Variants in MUC4 observed in about 807,000 individuals in gnomAD.
MUC4 encodes mucin 4, cell surface associated, also known as mucin-4.
Under a neutral mutation model 257.9 loss-of-function variants are expected in MUC4, and 202 were observed. The observed-to-expected ratio is 0.78, with a 90% CI of 0.70 to 0.88. The LOEUF is 0.88. Ranked by LOEUF, MUC4 falls within the 40% of genes least tolerant of loss-of-function variation. The pLI is 0.00. For missense variants in MUC4, 5,976 were observed against 6,513.7 expected (o/e 0.92, Z 2.84); for synonymous variants, 2,351 against 2,757.1 (o/e 0.85, Z 4.62).
chr3:195,761,517 G>C lies in MUC4; in HGVS notation c.14581C>G (p.Pro4861Ala). 1 of 1,614,146 alleles carries C rather than the reference G, an allele frequency of 6.2e-7. No individual in the cohort carries two copies. Among genetic ancestry groups the C allele is most frequent in the South Asian group, 1.1e-5 (1 of 91,086 alleles). ...PNGSTIPPGSPEEMLFHFGMT... is the reference protein window; with the variant it reads ...PNGSTIPPGSAEEMLFHFGMT... ...CCAAAGTGGAAAAGCATCTCCTCAG[G>C]GCTCCCTGGGGGAATGGTGGAGCCA... The change falls in exon 15 of 25, where the codon CCT becomes GCT. Residue 4861 changes from proline to alanine, a missense_variant. Pro to Ala is a conservative substitution (Grantham distance 27). Coordinates refer to ENST00000463781, the MANE Select transcript of MUC4 (RefSeq NM_018406.7).
At position 195,811,921 on chromosome 3, in the gene MUC4, A is replaced by ACCAAGTG; in HGVS notation, c.-111_-105dup. On this transcript the variant is annotated 5_prime_UTR_variant, in exon 1 of 25. Transcript: ENST00000463781. ...CCGTCCCCTCAGGCGGCTGGCCCGA[A>ACCAAGTG]CCAAGTGCGTTTCTCCGAAGGGGCC... 3.5e-6 allele frequency: 4 copies of ACCAAGTG among 1,154,778 alleles called. No homozygotes were observed. Among genetic ancestry groups the ACCAAGTG allele is most frequent in the Non-Finnish European group, 5.0e-6 (4 of 805,244 alleles). 71.5% of individuals were successfully genotyped at this position (1,154,778 alleles called of 1,614,324 possible).
chr3:195,775,948 A>G (rs1222415770), intron 3 of MUC4, among the ~76,000 whole-genome samples: 45 of 51,862 alleles, frequency 8.7e-4, no homozygotes, highest in Middle Eastern at 0.013. Flanking sequence ...TACCTTCCAC[A>G]CCCATACCTT....
rs1736591323 is a variant in MUC4 at position 195,810,661 on chromosome 3, C to T, written c.82+1075G>A. ...ACGGCCAGCACCTCCCGGCCCTCTGCGCCCTGGCCGCCTCCTCCGCACCAC... is the reference window on the plus strand; with the variant it reads ...ACGGCCAGCACCTCCCGGCCCTCTGTGCCCTGGCCGCCTCCTCCGCACCAC... On this transcript the variant is annotated intron_variant, in intron 1 of 24. Coordinates refer to ENST00000463781, the MANE Select transcript of MUC4 (RefSeq NM_018406.7). This position sits in a 1 kb window ranked among gnomAD's most constrained non-coding sequence, Gnocchi z 4.2. Among the ~76,000 whole-genome samples, 2 of 152,156 alleles carry T rather than the reference C, an allele frequency of 1.3e-5. No homozygotes were observed. Among genetic ancestry groups the T allele is most frequent in the Admixed American group, 6.5e-5 (1 of 15,284 alleles).
intron 14 of MUC4, 108 bp downstream of exon 14, chr3:195,761,979 G>A (rs1719049334): frequency 1.5e-6 from 2 of 1,292,304 alleles, no homozygotes; most frequent in South Asian, 2.8e-5. Context: ...TCTGCTCCAA[G>A]GAGGCGGAGA....
At position 195,765,302 on chromosome 3, in the gene MUC4, C is replaced by T. The variant is rs146376079; in HGVS notation, c.13766G>A (p.Arg4589Gln). 40 of 1,613,358 alleles carry T rather than the reference C, an allele frequency of 2.5e-5. No individual in the cohort carries two copies. Among genetic ancestry groups the T allele is most frequent in the Middle Eastern group, 1.6e-4 (1 of 6,064 alleles). ...GACGGGTTGGAATCGTAAGTCCCGT[C>T]GTCCCTGCTGCCAGGAACAAGGGCA... Reference protein sequence around the residue: ...VSCPCSWQQGRRDLRFQPVSI... With the variant: ...VSCPCSWQQGQRDLRFQPVSI... The change falls in exon 9 of 25, where the codon CGA becomes CAA. Residue 4589 changes from arginine to glutamine, a missense_variant. By Grantham distance (43) the Arg-to-Gln change is conservative. Coordinates refer to ENST00000463781, the MANE Select transcript of MUC4 (RefSeq NM_018406.7).
rs1426668414 is a variant in MUC4 at position 195,781,613 on chromosome 3, T to C, written c.9967A>G (p.Thr3323Ala). The change falls in exon 2 of 25, where the codon ACA (threonine) becomes GCA (alanine). Residue 3323 changes from threonine to alanine, a missense_variant. Around this residue, in one of 44 missense-constraint regions of MUC4, gnomAD observed 72 missense variants for 33.5 expected, o/e 2.15. Transcript: ENST00000463781. ...LLVTDASSAS[T>A]GHATPLHVTS... ...ACATGAAGAGGGGTGGCGTGACCTG[T>C]GGATGCTGAGGAAGCGTCGGTGACA... The C allele has an allele frequency of 1.9e-6, 1 of 531,838 alleles. No individual in the cohort carries two copies. The highest frequency in any genetic ancestry group is 4.6e-5 in the Admixed American group (1 of 21,554). The allele number at this position is 531,838 out of a possible 1,614,324, so 32.9% of individuals were successfully genotyped here.
chr3:195,779,326 T>A lies in MUC4; in HGVS notation c.12254A>T (p.Asp4085Val), dbSNP rs148307810. The A allele has an allele frequency of 2.9e-5, 28 of 978,036 alleles. 10 individuals carry two copies. In the African/African-American group the frequency reaches 4.8e-4, roughly 17 times the overall value. 60.6% of individuals were successfully genotyped at this position (978,036 alleles called of 1,614,324 possible). Residue 4085 changes from aspartate (D) to valine (V), a missense_variant, in exon 2 of 25, where the codon GAT (aspartate) becomes GTT (valine). Coordinates refer to ENST00000463781, the MANE Select transcript of MUC4 (RefSeq NM_018406.7). Reference protein sequence around the residue: ...RGDTSTLPVTDASSASTGHAT... With the variant: ...RGDTSTLPVTVASSASTGHAT... ...GTGACCGGTGGATGCTGAGGAAGCA[T>A]CGGTGACAGGAAGAGTGCTGGTGTC...
chr3:195,789,831 G>A lies in MUC4; in HGVS notation c.1749C>T (p.Ser583=), dbSNP rs567115926. 23 of 1,613,402 alleles carry A rather than the reference G, an allele frequency of 1.4e-5. No homozygotes were observed. Among genetic ancestry groups the A allele is most frequent in the Middle Eastern group, 1.7e-4 (1 of 6,058 alleles). Residue 583 remains serine, a synonymous_variant, in exon 2 of 25, where the codon AGC becomes AGT. Transcript: ENST00000463781. The part of the protein sequence containing the change: ...TTGEALLSSP[S]YSVTQMIKTA... ...TTTTTATCATCTGAGTCACACTGTAGCTTGGGCTGCTGAGAAGAGCCTCTC... is the reference window on the plus strand; with the variant it reads ...TTTTTATCATCTGAGTCACACTGTAACTTGGGCTGCTGAGAAGAGCCTCTC...
rs139766028 is a variant in MUC4 at position 195,778,356 on chromosome 3, G to C, written c.12890C>G (p.Thr4297Ser). Residue 4297 changes from threonine (T) to serine (S), a missense_variant, in exon 3 of 25, where the codon ACT (threonine) becomes AGT (serine). By Grantham distance (58) the Thr-to-Ser change is moderately conservative (BLOSUM62 1). Coordinates refer to ENST00000463781, the MANE Select transcript of MUC4 (RefSeq NM_018406.7). ...SQTIISTIPS[T>S]AMHTRSTAAP... ...AGCTGTGGAGCGGGTGTGCATGGCA[G>C]TGCTGGGAATGGTGGAAATGATGGT... The C allele has an allele frequency of 9.9e-6, 16 of 1,613,100 alleles. No individual in the cohort carries two copies. The African/African-American group carries it at 1.6e-4, about 16-fold the overall frequency.
chr3:195,762,475 C>G (rs1011897019), intron 13 of MUC4, among the ~76,000 whole-genome samples: 4 of 151,582 alleles, frequency 2.6e-5, no homozygotes, highest in African/African-American at 9.7e-5. Context: ...GGGCCCTGCA[C>G]CGCCACGCAC....
At position 195,746,872 on chromosome 3, in the gene MUC4, CACA is replaced by C. The variant is rs1368131313; in HGVS notation, c.*301_*303del. On this transcript the variant is annotated 3_prime_UTR_variant, in exon 25 of 25. Coordinates refer to ENST00000463781, the MANE Select transcript of MUC4 (RefSeq NM_018406.7). The stretch of plus-strand genomic sequence containing the variant: ...ATTTTGCTTAACTTAGGGCCATCAC[CACA>C]TTATGAACTCGTGTGTGTGTGTGTG... 16 of 463,386 alleles carry C rather than the reference CACA, an allele frequency of 3.5e-5. No homozygotes were observed. The highest frequency in any genetic ancestry group is 7.6e-6 in the Non-Finnish European group (2 of 263,500). The allele number at this position is 463,386 out of a possible 1,614,324, so 28.7% of individuals were successfully genotyped here.
chr3:195,790,777 G>T lies in MUC4; in HGVS notation c.803C>A (p.Thr268Asn), dbSNP rs758372717. ...GTTTCCAAGAGTGGAGCCTGTGGAG[G>T]TTGTCACTGTTATCTTCTCTGATGT... is the stretch of plus-strand genomic sequence containing the variant. ...MMTSEKITVT[T>N]STGSTLGNPG... The change falls in exon 2 of 25, where the codon ACC (threonine) becomes AAC (asparagine). Residue 268 changes from threonine (T) to asparagine (N), a missense_variant. Physicochemically the swap from Thr to Asn is moderately conservative, Grantham distance 65 (BLOSUM62 0). Around this residue, in one of 44 missense-constraint regions of MUC4, gnomAD observed 1,583 missense variants for 1,257.4 expected, o/e 1.26. Coordinates refer to ENST00000463781, the MANE Select transcript of MUC4 (RefSeq NM_018406.7). 5.0e-6 allele frequency: 8 copies of T among 1,614,014 alleles called. No homozygotes were observed. In the Admixed American group the frequency reaches 1.2e-4, roughly 24 times the overall value.
rs760530623 is a variant in MUC4, at chr3:195,791,230, T to C, written c.350A>G (p.Asp117Gly). ...VHNVMETAPP[D>G]EMTTSFPSSV... ...GGAGGGAAATGATGTGGTCATTTCA[T>C]CTGGAGGAGCTGTCTCCATCACATT... The change falls in exon 2 of 25, where the codon GAT (aspartate) becomes GGT (glycine). Residue 117 changes from aspartate to glycine, a missense_variant. Coordinates refer to ENST00000463781, the MANE Select transcript of MUC4 (RefSeq NM_018406.7). 2 of 1,613,720 alleles carry C rather than the reference T, an allele frequency of 1.2e-6. No homozygotes were observed. Among genetic ancestry groups the C allele is most frequent in the East Asian group, 4.5e-5 (2 of 44,890 alleles).
rs200544147 is a variant in MUC4 at position 195,774,138 on chromosome 3, A to G, written c.13077+34T>C. On this transcript the variant is annotated intron_variant, in intron 4 of 24. Transcript: ENST00000463781. Reference sequence around the variant, plus strand: ...GCAGGAGAGAGAAGTGGGCCCTGGGAGTTCAGGCTGCGCGGGCCGCAGCCC... The same window carrying G: ...GCAGGAGAGAGAAGTGGGCCCTGGGGGTTCAGGCTGCGCGGGCCGCAGCCC... The G allele has an allele frequency of 3.4e-5, 53 of 1,573,078 alleles. No homozygotes were observed. The Admixed American group carries it at 8.0e-4, about 24-fold the overall frequency.
At chr3:195,774,388 G>T in intron 3 of MUC4, 83 bp from the exon 4 acceptor site, 1 of 1,441,604 alleles carries the variant, frequency 6.9e-7, no homozygotes, top group Non-Finnish European at 9.1e-7. Flanking sequence ...AGCGCTCCCT[G>T]CAGGCTGCCC....
intron 21 of MUC4, chr3:195,751,487 G>A (rs149724442): frequency 9.2e-5 from 55 of 600,630 alleles, no homozygotes; most frequent in Non-Finnish European, 1.2e-4. Context: ...AGAGTGAAGG[G>A]TTTTCCATTC....
In MUC4 at chr3:195,783,293, T is replaced by C. The variant is rs758915548; in HGVS notation, c.8287A>G (p.Thr2763Ala). Residue 2763 changes from threonine to alanine, a missense_variant, in exon 2 of 25, where the codon ACA becomes GCA. Physicochemically the swap from Thr to Ala is moderately conservative, Grantham distance 58. This residue lies in a region of MUC4 where 2 missense variants were observed against 30.9 expected (regional missense o/e 0.06). Coordinates refer to ENST00000463781, the MANE Select transcript of MUC4 (RefSeq NM_018406.7). ...ACAGGAAGAGGGGTGGCGTGACCTG[T>C]GGATGCTGAGGAAGTGTCGGTGACA... ...LPVTDTSSASTGHATPLPVTN... is the reference protein window; with the variant it reads ...LPVTDTSSASAGHATPLPVTN... 6.6e-7 allele frequency: 1 copy of C among 1,509,552 alleles called. No individual in the cohort carries two copies. The highest frequency in any genetic ancestry group is 2.0e-5 in the Admixed American group (1 of 49,508). 93.5% of individuals were successfully genotyped at this position (1,509,552 alleles called of 1,614,324 possible).
intron 3 of MUC4, among the ~76,000 whole-genome samples, chr3:195,778,037 A>T (rs1224826501): frequency 6.6e-6 from 1 of 152,144 alleles, no homozygotes; most frequent in African/African-American, 2.4e-5. Context: ...GTGTGCACTT[A>T]GACCCTGGGA....
In MUC4 at chr3:195,780,500, C is replaced by G. The variant is rs781334239; in HGVS notation, c.11080G>C (p.Ala3694Pro). 3.6e-6 allele frequency: 4 copies of G among 1,113,546 alleles called. No individual in the cohort carries two copies. In the Admixed American group the frequency reaches 8.8e-5, roughly 25 times the overall value. 69.0% of individuals were successfully genotyped at this position (1,113,546 alleles called of 1,614,324 possible). The change falls in exon 2 of 25, where the codon GCC becomes CCC. Residue 3694 changes from alanine to proline, a missense_variant. By Grantham distance (27) the Ala-to-Pro change is conservative (BLOSUM62 -1). This residue lies in a region of MUC4 where 330 missense variants were observed against 262.0 expected (regional missense o/e 1.26). Coordinates refer to ENST00000463781, the MANE Select transcript of MUC4 (RefSeq NM_018406.7). ...TDTSSASTGQ[A>P]TPLPVTIPSS... ...GGGATGGTGACAGGAAGAGGGGTGG[C>G]CTGACCTGTGGATGCTGAGGAAGTG... is the stretch of plus-strand genomic sequence containing the variant.
Sources: gnomAD v4.1 joint callset for allele counts (sites outside exome capture counted in the v4.1 genomes callset) on GRCh38, gnomAD v4.1.1 for gene constraint, gnomAD v4.1.1 regional missense constraint, Gnocchi (gnomAD v3.1) non-coding constraint, MANE v1.5 for transcripts, NCBI Gene and HGNC (gene_info 2026-07-23, HGNC 2026-07-21) for gene names.